Variants in TMF1 observed in about 807,000 individuals in gnomAD.
TMF1 encodes TATA element modulatory factor.
A neutral mutation model predicts 126.5 loss-of-function variants in TMF1; 71 were observed. That is an observed-to-expected ratio of 0.56 (90% CI 0.46 to 0.68). The LOEUF (loss-of-function observed/expected upper bound fraction) is 0.68, where lower values mean the gene tolerates loss of function less well. Ranked by LOEUF, TMF1 falls within the 30% of genes least tolerant of loss-of-function variation. TMF1 has a pLI of 0.00. For missense variants in TMF1, 1,259 were observed against 1,253.2 expected (o/e 1.00, Z -0.07); for synonymous variants, 461 against 430.5 (o/e 1.07, Z -0.88).
chr3:69,029,817 A>G lies in TMF1; in HGVS notation c.2592T>C (p.Asn864=). ...TATCACTCAGAAACCATGCTCACCT[A>G]TTGTTCTCATCCTCCAGTTTACACA... ...NRLCKLEDEN[N]RYQVELENLK... Residue 864 remains asparagine (N), a splice_region_variant and synonymous_variant, in exon 11 of 17, where the codon AAT becomes AAC. Transcript: ENST00000398559. 6.2e-7 allele frequency: 1 copy of G among 1,607,494 alleles called. No individual in the cohort carries two copies. The highest frequency in any genetic ancestry group is 8.5e-7 in the Non-Finnish European group (1 of 1,177,192).
At chr3:69,043,347 T>A (rs1383144606) in intron 4 of TMF1, among the ~76,000 whole-genome samples, 1 of 152,082 alleles carries the variant, frequency 6.6e-6, no homozygotes, top group Non-Finnish European at 1.5e-5. Context: ...TCTTTGTATT[T>A]TTTGTAGAGA....
At chr3:69,045,985 G>A (rs978801817) in intron 2 of TMF1, among the ~76,000 whole-genome samples, 2 of 151,994 alleles carry the variant, frequency 1.3e-5, no homozygotes, top group African/African-American at 4.8e-5. Context: ...GAGCCCAGGA[G>A]GTCAAGGCTG....
At chr3:69,031,783 T>C (rs1173692927) in intron 10 of TMF1, among the ~76,000 whole-genome samples, 1 of 152,228 alleles carries the variant, frequency 6.6e-6, no homozygotes, top group Non-Finnish European at 1.5e-5. Context: ...GTCTTTTTAA[T>C]AGCATTCCTT....
chr3:69,024,237 C>A (rs1195569778), intron 15 of TMF1, 57 bp from the exon 16 acceptor site: 4 of 1,398,408 alleles, frequency 2.9e-6, no homozygotes, highest in Non-Finnish European at 3.8e-6. Flanking sequence ...TTAATACTCC[C>A]AGTAATATAA....
chr3:69,033,446 G>A, intron 10 of TMF1, 102 bp downstream of exon 10: 1 of 1,289,678 alleles, frequency 7.8e-7, no homozygotes, highest in Non-Finnish European at 1.1e-6. Flanking sequence ...GACACAAAAT[G>A]TAACTATCAG....
At chr3:69,042,591 C>A (rs766694324) in intron 5 of TMF1, 1 of 651,274 alleles carries the variant, frequency 1.5e-6, no homozygotes, top group South Asian at 1.5e-5. Context: ...ACTTACTTTT[C>A]TTTTTACTTC....
Position 69,036,226 on chromosome 3 carries a change from G to A in TMF1, c.2152-1111C>T, listed in dbSNP as rs1386079601. Among the ~76,000 whole-genome samples, 3 of 151,898 alleles carry A rather than the reference G, an allele frequency of 2.0e-5. 1 individual carries two copies. The South Asian group carries it at 6.2e-4, about 32-fold the overall frequency. On this transcript the variant is annotated intron_variant, in intron 8 of 16. Coordinates refer to ENST00000398559, the MANE Select transcript of TMF1 (RefSeq NM_007114.3). ...AGTAAATAAAACAAGTTATAAAACAGTATAAACAATAAACTATCATTTACG... is the reference window on the plus strand; with the variant it reads ...AGTAAATAAAACAAGTTATAAAACAATATAAACAATAAACTATCATTTACG...
intron 1 of TMF1, among the ~76,000 whole-genome samples, chr3:69,049,322 C>G (rs2091913362): frequency 6.6e-6 from 1 of 152,190 alleles, no homozygotes; most frequent in Non-Finnish European, 1.5e-5. Context: ...TGCAGTGAGC[C>G]ATGATCAAAC....
chr3:69,049,641 C>A (rs1575821961), intron 1 of TMF1, among the ~76,000 whole-genome samples: 1 of 152,046 alleles, frequency 6.6e-6, no homozygotes, highest in East Asian at 1.9e-4. Flanking sequence ...TGCTCTTTGA[C>A]ATAGAGGTGG....
chr3:69,038,660 A>T lies in TMF1; in HGVS notation c.2055T>A (p.Ala685=). The change falls in exon 8 of 17, where the codon GCT becomes GCA. Residue 685 remains alanine, a synonymous_variant. Coordinates refer to ENST00000398559, the MANE Select transcript of TMF1 (RefSeq NM_007114.3). ...AAKDSEAQEA[A]LSREMKAKEE... The stretch of plus-strand genomic sequence containing the variant: ...CTTTAGCTTTCATTTCACGGCTCAG[A>T]GCAGCTTCCTGTGCCTCACTATCCT... 5 of 1,614,152 alleles carry T rather than the reference A, an allele frequency of 3.1e-6. No homozygotes were observed. Among genetic ancestry groups the T allele is most frequent in the Non-Finnish European group, 4.2e-6 (5 of 1,180,024 alleles).
chr3:69,030,363 A>G (rs1390189034), intron 10 of TMF1: 1 of 166,156 alleles, frequency 6.0e-6, no homozygotes, highest in East Asian at 1.6e-4. Flanking sequence ...TCATAGACTT[A>G]TATGTAAAAC....
intron 1 of TMF1, 49 bp downstream of exon 1, chr3:69,051,896 G>T: frequency 6.3e-7 from 1 of 1,595,506 alleles, no homozygotes; most frequent in South Asian, 1.1e-5. Context: ...CCTGCATCAA[G>T]AGAACAGCAG....
rs1490168048 is a variant in TMF1, at chr3:69,026,061, T to C, written c.2794A>G (p.Met932Val). 4 of 1,613,884 alleles carry C rather than the reference T, an allele frequency of 2.5e-6. No individual in the cohort carries two copies. The highest frequency in any genetic ancestry group is 2.7e-5 in the African/African-American group (2 of 74,894). Residue 932 changes from methionine to valine, a missense_variant, in exon 14 of 17, where the codon ATG becomes GTG. Transcript: ENST00000398559. ...KPFSVSSTPTMSRSSSISGVD... is the reference protein window; with the variant it reads ...KPFSVSSTPTVSRSSSISGVD... ...CCACTTATTGAACTTGAGCGTGACA[T>C]GGTGGGAGTGCTAGAAACAGAAAAT... is the stretch of plus-strand genomic sequence containing the variant.
In TMF1 at chr3:69,025,829, G is replaced by A; in HGVS notation, c.2860-117C>T. 10 of 1,255,782 alleles carry A rather than the reference G, an allele frequency of 8.0e-6. No individual in the cohort carries two copies. The South Asian group carries it at 1.5e-4, about 18-fold the overall frequency. The allele number at this position is 1,255,782 out of a possible 1,614,324, so 77.8% of individuals were successfully genotyped here. A position where few individuals can be genotyped will look rare whatever the true frequency, so the allele number is the denominator to read the frequency against. ...TGCTTTAAATGTCTTCTCAAAGGCA[G>A]AAAATCATTCACGTGTTTCCTCTCA... On this transcript the variant is annotated intron_variant, in intron 14 of 16. Transcript: ENST00000398559.
At chr3:69,035,356 A>G (rs896282847) in intron 8 of TMF1, 13 of 493,400 alleles carry the variant, frequency 2.6e-5, no homozygotes, top group Non-Finnish European at 4.4e-5. Context: ...ACAAATATGT[A>G]TAAGGCATAG....
At chr3:69,034,518 A>G (rs2091821924) in intron 9 of TMF1, among the ~76,000 whole-genome samples, 1 of 152,168 alleles carries the variant, frequency 6.6e-6, no homozygotes, top group African/African-American at 2.4e-5. Context: ...CTTCTTTAAA[A>G]AGCGTTTCTA....
At chr3:69,044,713 C>T (rs2091886057) in intron 2 of TMF1, 118 bp from the exon 3 acceptor site, 2 of 612,744 alleles carry the variant, frequency 3.3e-6, no homozygotes, top group Non-Finnish European at 2.8e-6. Flanking sequence ...CAATCAAGAA[C>T]AGTATTAGGA....
chr3:69,038,627 A>G lies in TMF1; in HGVS notation c.2088T>C (p.Leu696=), dbSNP rs765329453. The change falls in exon 8 of 17, where the codon CTT becomes CTC. Residue 696 remains leucine (L), a synonymous_variant. Transcript: ENST00000398559. The part of the protein sequence containing the change: ...LSREMKAKEE[L]SAALEKAQEE... ...CTTGGGCCTTCTCTAATGCTGCAGA[A>G]AGTTCTTCTTTAGCTTTCATTTCAC... 2.0e-5 allele frequency: 32 copies of G among 1,614,018 alleles called. No homozygotes were observed. Among genetic ancestry groups the G allele is most frequent in the African/African-American group, 2.7e-5 (2 of 74,910 alleles).
At chr3:69,049,656 C>T (rs1314617604) in intron 1 of TMF1, among the ~76,000 whole-genome samples, 1 of 151,974 alleles carries the variant, frequency 6.6e-6, no homozygotes, top group African/African-American at 2.4e-5. Context: ...AGGTGGTTGA[C>T]ACTAGGGTTT....
Sources: gnomAD v4.1 joint callset for allele counts (sites outside exome capture counted in the v4.1 genomes callset) on GRCh38, gnomAD v4.1.1 for gene constraint, MANE v1.5 for transcripts, NCBI Gene and HGNC (gene_info 2026-07-23, HGNC 2026-07-21) for gene names.